Variants in STPG4 observed in about 807,000 individuals in gnomAD.
STPG4 encodes the protein protein STPG4.
Under a neutral mutation model 31.5 loss-of-function variants are expected in STPG4, and 41 were observed. That is an observed-to-expected ratio of 1.30 (90% confidence interval 1.01 to 1.69). The LOEUF (loss-of-function observed/expected upper bound fraction) is 1.69. Ranked by LOEUF, STPG4 falls within the 40% of genes most tolerant of loss-of-function variation. STPG4 has a pLI of 0.00. For missense variants in STPG4, 375 were observed against 293.4 expected (o/e 1.28, Z -2.03); for synonymous variants, 141 against 103.0 (o/e 1.37, Z -2.24).
chr2:47,130,827 C>CTT (rs1410763456), intron 3 of STPG4, among the ~76,000 whole-genome samples: 2 of 150,222 alleles, frequency 1.3e-5, no homozygotes, highest in East Asian at 3.9e-4. Context: ...ATTTTTTTTT[C>CTT]TTTTTTTGAG....
chr2:47,143,281 A>T (rs1686753208), intron 3 of STPG4, among the ~76,000 whole-genome samples: 1 of 152,210 alleles, frequency 6.6e-6, no homozygotes, highest in Admixed American at 6.5e-5. Flanking sequence ...ATTCATATAA[A>T]CAACGTGTGA....
At chr2:47,143,029 G>A (rs968709347) in intron 3 of STPG4, among the ~76,000 whole-genome samples, 4 of 151,596 alleles carry the variant, frequency 2.6e-5, no homozygotes, top group African/African-American at 7.3e-5. Flanking sequence ...TAGTAGAGAT[G>A]GGATTTCACT....
chr2:47,141,557 C>CAAA (rs200257521), intron 3 of STPG4, among the ~76,000 whole-genome samples: 1 of 140,240 alleles, frequency 7.1e-6, no homozygotes, highest in Non-Finnish European at 1.6e-5. Context: ...AGTCCTGCCT[C>CAAA]AAAAAAAAAA....
intron 5 of STPG4, among the ~76,000 whole-genome samples, chr2:47,128,475 G>A (rs979473808): frequency 1.3e-5 from 2 of 152,152 alleles, no homozygotes; most frequent in South Asian, 4.1e-4. Context: ...GAATTTATTG[G>A]GTACTCTATA....
At chr2:47,152,298 A>G (rs939260998) in intron 2 of STPG4, among the ~76,000 whole-genome samples, 7 of 152,236 alleles carry the variant, frequency 4.6e-5, no homozygotes, top group Non-Finnish European at 1.5e-5. Context: ...TTAGTCCAAT[A>G]AGAGGTTTGG....
At chr2:47,126,721 T>A (rs1026069198) in intron 5 of STPG4, among the ~76,000 whole-genome samples, 1 of 152,188 alleles carries the variant, frequency 6.6e-6, no homozygotes, top group Non-Finnish European at 1.5e-5. Context: ...GGTGTTGAAA[T>A]GCCTTAGCTT....
chr2:47,098,792 G>T (rs1685729622), intron 5 of STPG4, among the ~76,000 whole-genome samples: 1 of 148,984 alleles, frequency 6.7e-6, no homozygotes, highest in Non-Finnish European at 1.5e-5. Context: ...AAGGAGGACA[G>T]AATCCTGTGT....
chr2:47,090,383 C>T lies in STPG4; in HGVS notation c.520-9G>A. 2.0e-6 allele frequency: 3 copies of T among 1,528,168 alleles called. No homozygotes were observed. Among genetic ancestry groups the T allele is most frequent in the Non-Finnish European group, 2.7e-6 (3 of 1,127,514 alleles). The allele number at this position is 1,528,168 out of a possible 1,614,324, so 94.7% of individuals were successfully genotyped here. On this transcript the variant is annotated splice_polypyrimidine_tract_variant and intron_variant, in intron 5 of 6. Coordinates refer to ENST00000445927, the MANE Select transcript of STPG4 (RefSeq NM_001163561.2). Reference sequence around the variant, plus strand: ...GGACCAGGGCCTTCATGCTATTGAACATTTAAAAAATTGCTTCATTATTAT... The same window carrying T: ...GGACCAGGGCCTTCATGCTATTGAATATTTAAAAAATTGCTTCATTATTAT...
At chr2:47,099,501 T>G (rs1685742580) in intron 5 of STPG4, among the ~76,000 whole-genome samples, 1 of 152,256 alleles carries the variant, frequency 6.6e-6, no homozygotes, top group Non-Finnish European at 1.5e-5. Flanking sequence ...ACCAAAGGAA[T>G]GAAGGGCATT....
At chr2:47,097,680 G>A in intron 5 of STPG4, among the ~76,000 whole-genome samples, 1 of 152,096 alleles carries the variant, frequency 6.6e-6, no homozygotes, top group Non-Finnish European at 1.5e-5. Context: ...GGACTTCCTG[G>A]CCTCCAGAAC....
intron 5 of STPG4, among the ~76,000 whole-genome samples, chr2:47,115,166 T>C (rs1194429201): frequency 6.6e-6 from 1 of 152,204 alleles, no homozygotes; most frequent in African/African-American, 2.4e-5. Flanking sequence ...TCTTCATTTT[T>C]CCCCATCATA....
intron 5 of STPG4, 108 bp downstream of exon 5, chr2:47,129,833 G>A (rs1686437618): frequency 1.5e-6 from 2 of 1,369,968 alleles, no homozygotes; most frequent in South Asian, 2.8e-5. Flanking sequence ...CCTGCTAGGG[G>A]GAACGATCAC....
intron 5 of STPG4, among the ~76,000 whole-genome samples, chr2:47,125,806 G>T (rs1329649498): frequency 2.6e-5 from 4 of 151,586 alleles, no homozygotes; most frequent in Admixed American, 2.6e-4. Flanking sequence ...GGATCCTCCT[G>T]CCTTGGCCTC....
intron 5 of STPG4, among the ~76,000 whole-genome samples, chr2:47,107,906 C>G (rs1472414772): frequency 6.6e-6 from 1 of 152,160 alleles, no homozygotes; most frequent in Non-Finnish European, 1.5e-5. Flanking sequence ...TCTAGCTACT[C>G]TGGTGGGGCC....
chr2:47,091,964 G>A (rs1047935894), intron 5 of STPG4, among the ~76,000 whole-genome samples: 1 of 150,176 alleles, frequency 6.7e-6, no homozygotes, highest in Non-Finnish European at 1.5e-5. Context: ...CAGTGTTGAT[G>A]AGTTTTTATA....
At chr2:47,101,705 C>T (rs185578150) in intron 5 of STPG4, among the ~76,000 whole-genome samples, 5 of 151,952 alleles carry the variant, frequency 3.3e-5, no homozygotes, top group African/African-American at 1.2e-4. Context: ...AGGATCCCTC[C>T]TCAGACTAAC....
intron 6 of STPG4, among the ~76,000 whole-genome samples, chr2:47,089,030 C>A (rs13007031): frequency 0.16 from 24,758 of 152,078 alleles, 2,081 homozygotes; most frequent in Middle Eastern, 0.22. Context: ...CACCAACAAC[C>A]TTCTGGTTGT....
chr2:47,110,868 G>A (rs1465295420), intron 5 of STPG4, among the ~76,000 whole-genome samples: 1 of 152,028 alleles, frequency 6.6e-6, no homozygotes, highest in Non-Finnish European at 1.5e-5. Flanking sequence ...TATTTTTTGG[G>A]TGGATACATA....
At chr2:47,154,285 T>C (rs1686987612) in intron 1 of STPG4, among the ~76,000 whole-genome samples, 2 of 152,238 alleles carry the variant, frequency 1.3e-5, no homozygotes, top group African/African-American at 4.8e-5. Context: ...TTGATACTTC[T>C]TCGCGAGATT....
Sources: gnomAD v4.1 joint callset for allele counts (sites outside exome capture counted in the v4.1 genomes callset) on GRCh38, gnomAD v4.1.1 for gene constraint, MANE v1.5 for transcripts, NCBI Gene and HGNC (gene_info 2026-07-23, HGNC 2026-07-21) for gene names.